The following ALDH5A1 variants were observed in gnomAD, a reference collection of about 807,000 sequenced individuals.
ALDH5A1 encodes aldehyde dehydrogenase 5 family member A1.
A neutral mutation model predicts 54.7 loss-of-function variants in ALDH5A1; 33 were observed. The ratio of observed to expected loss-of-function variants is 0.60; its 90% CI spans 0.46 to 0.81. The LOEUF is 0.81. Ranked by LOEUF, ALDH5A1 falls within the 30% of genes least tolerant of loss-of-function variation. The pLI is 0.00. For missense variants in ALDH5A1, 657 were observed against 711.0 expected (o/e 0.92, Z 0.86); for synonymous variants, 294 against 292.7 (o/e 1.00, Z -0.05).
At chr6:24,526,967 T>TATCTACTATATATATATATATATATCTA (rs1341457013) in intron 7 of ALDH5A1, among the ~76,000 whole-genome samples, 1 of 7,160 alleles carries the variant, frequency 1.4e-4, no homozygotes, top group African/African-American at 3.2e-4. Context: ...TATATATATG[T>TATCTACTATATATATATATATATATCTA]GTGTGTGTAT....
chr6:24,513,061 C>T (rs2817229), intron 4 of ALDH5A1, among the ~76,000 whole-genome samples: 109,144 of 151,380 alleles, frequency 0.72, 40,693 homozygotes, highest in Non-Finnish European at 0.84. Context: ...TATTCTACTT[C>T]TTATTATTTT....
intron 5 of ALDH5A1, among the ~76,000 whole-genome samples, chr6:24,517,893 C>G (rs1229640025): frequency 6.6e-6 from 1 of 152,242 alleles, no homozygotes; most frequent in Non-Finnish European, 1.5e-5. Flanking sequence ...CATGCCTGCC[C>G]TGCCCTTGCC....
intron 2 of ALDH5A1, 95 bp downstream of exon 2, chr6:24,502,701 T>A (rs1759228664): frequency 9.2e-6 from 8 of 873,328 alleles, no homozygotes; most frequent in Non-Finnish European, 1.5e-5. Flanking sequence ...CACTGCTGGC[T>A]GTAGCTGAAG....
chr6:24,502,989 C>A (rs1328090742), intron 2 of ALDH5A1, among the ~76,000 whole-genome samples: 1 of 150,778 alleles, frequency 6.6e-6, no homozygotes, highest in South Asian at 2.1e-4. Flanking sequence ...ATCGTGGTTA[C>A]AATACTTAGA....
rs1164640012 is a variant in ALDH5A1, at chr6:24,495,149, G to C, written c.153G>C (p.Leu51=). Residue 51 remains leucine, a synonymous_variant, in exon 1 of 10, where the codon CTG becomes CTC. Transcript: ENST00000357578. The stretch of plus-strand genomic sequence containing the variant: ...AGCTCCGCTGCTACGCTGGGCGCCT[G>C]GCGGGCCTCTCTGCGGCGCTGCTGC... ...PAQLRCYAGR[L]AGLSAALLRT... is the part of the protein sequence containing the mutation. 2 of 1,428,196 alleles carry C rather than the reference G, an allele frequency of 1.4e-6. No individual in the cohort carries two copies. The highest frequency in any genetic ancestry group is 1.5e-5 in the African/African-American group (1 of 66,672). The allele number at this position is 1,428,196 out of a possible 1,614,324, so 88.5% of individuals were successfully genotyped here.
At chr6:24,532,222 C>A in intron 9 of ALDH5A1, 45 bp downstream of exon 9, 1 of 1,577,508 alleles carries the variant, frequency 6.3e-7, no homozygotes, top group South Asian at 1.1e-5. Context: ...TCATTTTTCT[C>A]CAGCTCATGC....
chr6:24,500,884 T>G (rs947449180), intron 1 of ALDH5A1, among the ~76,000 whole-genome samples: 1 of 149,166 alleles, frequency 6.7e-6, no homozygotes, highest in African/African-American at 2.4e-5. Flanking sequence ...AGACCTTGTC[T>G]GTACAAAAAA....
At chr6:24,523,341 AATG>A (rs747731629) in intron 7 of ALDH5A1, among the ~76,000 whole-genome samples, 2 of 151,304 alleles carry the variant, frequency 1.3e-5, no homozygotes, top group East Asian at 3.9e-4. Flanking sequence ...AGCTAAAAAA[AATG>A]ATGTTAAAAG....
rs1407828469 is a variant in ALDH5A1 at position 24,537,001 on chromosome 6, A to G, written c.*3289A>G. 6.5e-6 allele frequency: 1 copy of G among 152,674 alleles called. No individual in the cohort carries two copies. The highest frequency in any genetic ancestry group is 2.4e-5 in the African/African-American group (1 of 41,456). 9.5% of individuals were successfully genotyped at this position (152,674 alleles called of 1,614,324 possible). On this transcript the variant is annotated 3_prime_UTR_variant, in exon 10 of 10. Transcript: ENST00000357578. Reference sequence around the variant, plus strand: ...CTATTTTAAATAGCATTTTACTTGAATAATATGTATGTTGTCATTGTTTCA... The same window carrying G: ...CTATTTTAAATAGCATTTTACTTGAGTAATATGTATGTTGTCATTGTTTCA...
intron 1 of ALDH5A1, among the ~76,000 whole-genome samples, chr6:24,498,810 A>G (rs1441216989): frequency 6.6e-6 from 1 of 152,080 alleles, no homozygotes; most frequent in Non-Finnish European, 1.5e-5. Context: ...CTAAAAATAC[A>G]AAAATTGGCC....
chr6:24,525,607 C>T (rs1056212606), intron 7 of ALDH5A1, among the ~76,000 whole-genome samples: 11 of 151,882 alleles, frequency 7.2e-5, no homozygotes, highest in African/African-American at 1.7e-4. Context: ...ACTCAGGAGG[C>T]GGGGGCAAGA....
chr6:24,515,567 C>G (rs111724059), intron 5 of ALDH5A1, among the ~76,000 whole-genome samples: 16 of 152,038 alleles, frequency 1.1e-4, no homozygotes, highest in Non-Finnish European at 2.2e-4. Flanking sequence ...ACAGAAAATA[C>G]AACAATTAAC....
chr6:24,520,317 C>T, intron 5 of ALDH5A1, 84 bp from the exon 6 acceptor site: 2 of 1,570,292 alleles, frequency 1.3e-6, no homozygotes, highest in Non-Finnish European at 1.7e-6. Context: ...GCTTTTTTCA[C>T]CATTTGGTAA....
chr6:24,532,191 C>G lies in ALDH5A1; in HGVS notation c.1402+14C>G. On this transcript the variant is annotated intron_variant, in intron 9 of 9. Transcript: ENST00000357578. ...TTGGGTTAGCAGGTAGGTGTTTGTC[C>G]TTGTTCAATACCAGTCATAATCATT... 9 of 1,612,692 alleles carry G rather than the reference C, an allele frequency of 5.6e-6. No individual in the cohort carries two copies. Among genetic ancestry groups the G allele is most frequent in the Non-Finnish European group, 7.6e-6 (9 of 1,178,670 alleles).
At chr6:24,525,429 T>C (rs896144029) in intron 7 of ALDH5A1, among the ~76,000 whole-genome samples, 1 of 151,660 alleles carries the variant, frequency 6.6e-6, no homozygotes, top group East Asian at 1.9e-4. Context: ...CCGGGCACAG[T>C]GGCTCACGCC....
At chr6:24,514,874 G>A (rs543419401) in intron 4 of ALDH5A1, among the ~76,000 whole-genome samples, 61 of 152,242 alleles carry the variant, frequency 4.0e-4, no homozygotes, top group African/African-American at 1.3e-3. Context: ...CTGGGCTCAA[G>A]TGATCCTCTC....
At chr6:24,514,435 G>A (rs549633675) in intron 4 of ALDH5A1, among the ~76,000 whole-genome samples, 14 of 152,110 alleles carry the variant, frequency 9.2e-5, no homozygotes, top group Admixed American at 7.2e-4. Context: ...TGAACAGACC[G>A]TGGCATTGAA....
rs888081332 is a variant in ALDH5A1 at position 24,533,925 on chromosome 6, C to T, written c.*213C>T. Reference sequence around the variant, plus strand: ...TGCCACGTGCCTGTGGCTGCAGACTCCCAGAGAACCAGCACTGGGTTTACA... The same window carrying T: ...TGCCACGTGCCTGTGGCTGCAGACTTCCAGAGAACCAGCACTGGGTTTACA... On this transcript the variant is annotated 3_prime_UTR_variant, in exon 10 of 10. Transcript: ENST00000357578. The T allele has an allele frequency of 3.8e-5, 20 of 520,536 alleles. No homozygotes were observed. Among genetic ancestry groups the T allele is most frequent in the African/African-American group, 3.1e-4 (16 of 51,882 alleles). The allele number at this position is 520,536 out of a possible 1,614,324, so 32.2% of individuals were successfully genotyped here.
rs1361924610 is a variant in ALDH5A1, at chr6:24,502,535, T to C, written c.367T>C (p.Leu123=). The C allele has an allele frequency of 1.9e-6, 3 of 1,612,124 alleles. No individual in the cohort carries two copies. The highest frequency in any genetic ancestry group is 2.5e-6 in the Non-Finnish European group (3 of 1,178,178). The change falls in exon 2 of 10, where the codon TTA becomes CTA. Residue 123 remains leucine (L), a synonymous_variant. Transcript: ENST00000357578. ...ATTTCTTTTGCAGGAGAGGAGTTCATTACTTCGGAAGTGGTACAATTTAAT... is the reference window on the plus strand; with the variant it reads ...ATTTCTTTTGCAGGAGAGGAGTTCACTACTTCGGAAGTGGTACAATTTAAT... The part of the protein sequence containing the change: ...REVSAKERSS[L]LRKWYNLMIQ...
Sources: gnomAD v4.1 joint callset for allele counts (sites outside exome capture counted in the v4.1 genomes callset) on GRCh38, gnomAD v4.1.1 for gene constraint, MANE v1.5 for transcripts, NCBI Gene and HGNC (gene_info 2026-07-23, HGNC 2026-07-21) for gene names.